PIK3R3: variants seen among roughly 807,000 people sequenced by gnomAD.
PIK3R3 encodes the protein phosphatidylinositol 3-kinase regulatory subunit gamma.
A neutral mutation model predicts 62.9 loss-of-function variants in PIK3R3; 64 were observed. The observed-to-expected ratio is 1.02, with a 90% CI of 0.83 to 1.25. The LOEUF (loss-of-function observed/expected upper bound fraction) is 1.25. PIK3R3 is among the 50% of genes most tolerant of loss of function. PIK3R3 has a pLI of 0.00. For missense variants in PIK3R3, 614 were observed against 561.6 expected (o/e 1.09, Z -0.94); for synonymous variants, 165 against 189.0 (o/e 0.87, Z 1.04).
At chr1:46,132,638 G>A (rs1052528266), upstream of PIK3R3, 1 of 1,289,736 alleles carries the variant, frequency 7.8e-7, no homozygotes, top group African/African-American at 1.5e-5. Flanking sequence ...CCGGACTCCA[G>A]CCACTAGAGT....
chr1:46,132,348 G>A lies in PIK3R3; in HGVS notation c.-396C>T. The A allele has an allele frequency of 9.1e-7, 1 of 1,104,472 alleles. No individual in the cohort carries two copies. The highest frequency in any genetic ancestry group is 7.9e-5 in the East Asian group (1 of 12,700). 68.4% of individuals were successfully genotyped at this position (1,104,472 alleles called of 1,614,324 possible). On this transcript the variant is annotated 5_prime_UTR_variant, in exon 1 of 10. Transcript: ENST00000262741. ...CCTTCGAAGGAGGGAGAATGAAGAG[G>A]AAAAAAAAGAACACGTTGGGAGAAA...
At chr1:46,125,413 A>C (rs1655009093) in intron 1 of PIK3R3, among the ~76,000 whole-genome samples, 1 of 152,186 alleles carries the variant, frequency 6.6e-6, no homozygotes, top group South Asian at 2.1e-4. Flanking sequence ...TATTTATATA[A>C]GATGAATCCA....
chr1:46,165,679 G>A, the PIK3R3 span, among the ~76,000 whole-genome samples: 2 of 148,424 alleles, frequency 1.3e-5, no homozygotes, highest in Non-Finnish European at 3.0e-5. Flanking sequence ...GGGCCAAACC[G>A]TAAGTGGTTC....
chr1:46,107,433 G>C (rs1653325232), intron 1 of PIK3R3, among the ~76,000 whole-genome samples: 1 of 151,480 alleles, frequency 6.6e-6, no homozygotes, highest in Non-Finnish European at 1.5e-5. Flanking sequence ...GACTATTACA[G>C]AGTACTATTA....
intron 1 of PIK3R3, among the ~76,000 whole-genome samples, chr1:46,084,217 G>A (rs1349668340): frequency 6.6e-6 from 1 of 152,148 alleles, no homozygotes; most frequent in African/African-American, 2.4e-5. Flanking sequence ...AATCTATAGA[G>A]ACGGAAAGTA....
At chr1:46,155,996 C>A in the PIK3R3 span, among the ~76,000 whole-genome samples, 1 of 152,068 alleles carries the variant, frequency 6.6e-6, no homozygotes, top group Non-Finnish European at 1.5e-5. Context: ...TGGCTCTTTA[C>A]AGTAAAAGTT....
chr1:46,169,740 T>G, the PIK3R3 span, among the ~76,000 whole-genome samples: 1 of 152,204 alleles, frequency 6.6e-6, no homozygotes, highest in Non-Finnish European at 1.5e-5. Flanking sequence ...GACCTTCAGC[T>G]GACATTGCCC....
intron 1 of PIK3R3, among the ~76,000 whole-genome samples, chr1:46,121,354 T>G (rs939260582): frequency 2.0e-5 from 3 of 152,132 alleles, no homozygotes; most frequent in Non-Finnish European, 4.4e-5. Context: ...CTATCCTCTA[T>G]GGAAAAAAAA....
chr1:46,102,496 A>G (rs1054530941), intron 1 of PIK3R3, among the ~76,000 whole-genome samples: 1 of 152,130 alleles, frequency 6.6e-6, no homozygotes, highest in Non-Finnish European at 1.5e-5. Context: ...TAAATACTTA[A>G]ATGAGAATGA....
At chr1:46,148,300 T>C in the PIK3R3 span, among the ~76,000 whole-genome samples, 1 of 152,342 alleles carries the variant, frequency 6.6e-6, no homozygotes, top group East Asian at 1.9e-4. Flanking sequence ...GTAGTCTCAC[T>C]TCAGGAACAG....
chr1:46,108,350 T>C (rs1435717799), intron 1 of PIK3R3, among the ~76,000 whole-genome samples: 2 of 152,186 alleles, frequency 1.3e-5, no homozygotes, highest in African/African-American at 2.4e-5. Context: ...AGCTAGTAAA[T>C]CTCTGAACGA....
chr1:46,059,032 A>T (rs1648216133), intron 6 of PIK3R3, among the ~76,000 whole-genome samples: 1 of 152,344 alleles, frequency 6.6e-6, no homozygotes, highest in South Asian at 2.1e-4. Flanking sequence ...TGAATCATGG[A>T]GGCGGTTTCC....
At chr1:46,050,106 A>G (rs1192526703) in intron 7 of PIK3R3, among the ~76,000 whole-genome samples, 1 of 140,136 alleles carries the variant, frequency 7.1e-6, no homozygotes, top group African/African-American at 2.7e-5. Flanking sequence ...GGGCAACAAG[A>G]GTGAAACTCT....
chr1:46,046,496 C>T (rs1647119910), intron 8 of PIK3R3, 55 bp downstream of exon 8: 1 of 1,113,736 alleles, frequency 9.0e-7, no homozygotes. Flanking sequence ...AAACAAGGCG[C>T]ATGTCTTATA....
intron 4 of PIK3R3, among the ~76,000 whole-genome samples, chr1:46,066,662 G>A (rs1417316086): frequency 6.6e-6 from 1 of 152,046 alleles, no homozygotes; most frequent in Non-Finnish European, 1.5e-5. Context: ...GTTGTGGCAT[G>A]CACCTGTGAT....
chr1:46,061,220 GTC>G (rs1648449730), intron 6 of PIK3R3, among the ~76,000 whole-genome samples: 1 of 152,120 alleles, frequency 6.6e-6, no homozygotes, highest in South Asian at 2.1e-4. Flanking sequence ...CCATCTTCCA[GTC>G]TCTCACACCA....
chr1:46,106,025 C>T (rs1653174110), intron 1 of PIK3R3, among the ~76,000 whole-genome samples: 1 of 152,168 alleles, frequency 6.6e-6, no homozygotes, highest in African/African-American at 2.4e-5. Context: ...TTATAGGCAT[C>T]TCAAATATAA....
chr1:46,080,671 A>G lies in PIK3R3; in HGVS notation c.186T>C (p.Asp62=). Residue 62 remains aspartate (D), a synonymous_variant, in exon 2 of 10, where the codon GAT becomes GAC. Coordinates refer to ENST00000262741, the MANE Select transcript of PIK3R3 (RefSeq NM_003629.4). Reference sequence around the variant, plus strand: ...AAATATCCCCCCAGTACCATTCTGCATCCTGAAGAGAAACAGAACTGTCCT... The same window carrying G: ...AAATATCCCCCCAGTACCATTCTGCGTCCTGAAGAGAAACAGAACTGTCCT... The part of the protein sequence containing the change: ...GMKDSSVSLQ[D]AEWYWGDISR... 2 of 1,611,348 alleles carry G rather than the reference A, an allele frequency of 1.2e-6. No individual in the cohort carries two copies. The highest frequency in any genetic ancestry group is 1.7e-5 in the Admixed American group (1 of 60,026).
intron 7 of PIK3R3, among the ~76,000 whole-genome samples, chr1:46,054,016 C>A (rs533489929): frequency 1.3e-5 from 2 of 152,056 alleles, no homozygotes; most frequent in Non-Finnish European, 2.9e-5. Flanking sequence ...CTTTTGGCCA[C>A]AATAGCAAAC....
Sources: allele counts gnomAD v4.1 joint callset (sites outside exome capture counted in the v4.1 genomes callset), GRCh38; gene constraint gnomAD v4.1.1; transcripts MANE v1.5; gene names NCBI Gene and HGNC (gene_info 2026-07-23, HGNC 2026-07-21).